The following GLRB variants were observed in gnomAD, a reference collection of about 807,000 sequenced individuals.
GLRB encodes glycine receptor beta, also known as glycine receptor subunit beta.
GLRB carries 33 observed loss-of-function variants against 54.2 expected under a neutral mutation model. That is an observed-to-expected ratio of 0.61 (90% CI 0.46 to 0.81). The LOEUF is 0.81. Ranked by LOEUF, GLRB falls within the 40% of genes least tolerant of loss-of-function variation. The pLI, the probability that GLRB is intolerant of heterozygous loss-of-function variation, is 0.00. For synonymous variants in GLRB, 209 were observed against 208.2 expected (o/e 1.00, Z -0.03); for missense variants, 572 against 584.6 (o/e 0.98, Z 0.22).
intron 8 of GLRB, among the ~76,000 whole-genome samples, chr4:157,146,828 C>T (rs1190237980): frequency 2.6e-5 from 4 of 151,080 alleles, no homozygotes; most frequent in Non-Finnish European, 5.9e-5. Flanking sequence ...CCCCCACCTC[C>T]CCCCGCAAAA....
intron 7 of GLRB, among the ~76,000 whole-genome samples, chr4:157,143,435 T>G (rs192014712): frequency 2.6e-5 from 4 of 152,066 alleles, no homozygotes; most frequent in Admixed American, 6.6e-5. Context: ...TCTACTTTGA[T>G]TTACTACTGC....
intron 2 of GLRB, among the ~76,000 whole-genome samples, chr4:157,082,976 A>T (rs1734278540): frequency 6.7e-6 from 1 of 148,910 alleles, no homozygotes; most frequent in Non-Finnish European, 1.5e-5. Context: ...ATATATATAT[A>T]TATATATATA....
chr4:157,078,206 G>A (rs1734107328), intron 2 of GLRB, 60 bp downstream of exon 2: 7 of 1,603,510 alleles, frequency 4.4e-6, no homozygotes, highest in Non-Finnish European at 6.0e-6. Flanking sequence ...TTTTATAAAA[G>A]TAAGGTGGTT....
chr4:157,152,537 T>C (rs1031454893), intron 8 of GLRB, among the ~76,000 whole-genome samples, 181 bp from the exon 9 acceptor site: 2 of 152,174 alleles, frequency 1.3e-5, no homozygotes, highest in Non-Finnish European at 2.9e-5. Flanking sequence ...CCATAGTCAA[T>C]AGTCCTTACA....
In GLRB at chr4:157,136,502, T is replaced by G; in HGVS notation, c.331T>G (p.Trp111Gly). 6.2e-7 allele frequency: 1 copy of G among 1,611,790 alleles called. No homozygotes were observed. Among genetic ancestry groups the G allele is most frequent in the Non-Finnish European group, 8.5e-7 (1 of 1,177,930 alleles). The change falls in exon 5 of 10, where the codon TGG becomes GGG. Residue 111 changes from tryptophan (W) to glycine (G), a missense_variant. Physicochemically the swap from Trp to Gly is radical, Grantham distance 184. Transcript: ENST00000264428. ...YRVNIFLRQKWNDPRLKLPSD... is the reference protein window; with the variant it reads ...YRVNIFLRQKGNDPRLKLPSD... Reference sequence around the variant, plus strand: ...AGTTAACATCTTCCTGAGACAAAAATGGAATGACCCCAGGCTGAAGCTCCC... The same window carrying G: ...AGTTAACATCTTCCTGAGACAAAAAGGGAATGACCCCAGGCTGAAGCTCCC...
Position 157,136,902 on chromosome 4 carries a change from C to T in GLRB, c.610+16C>T. On this transcript the variant is annotated intron_variant, in intron 6 of 9. Coordinates refer to ENST00000264428, the MANE Select transcript of GLRB (RefSeq NM_000824.5). ...CTGGAGAGCTGTACGTAAATGAGAA[C>T]ATAATTGATTATGAAAATAAAGTGT... The T allele has an allele frequency of 6.9e-7, 1 of 1,445,088 alleles. No individual in the cohort carries two copies. Among genetic ancestry groups the T allele is most frequent in the Non-Finnish European group, 9.7e-7 (1 of 1,025,980 alleles). The allele number at this position is 1,445,088 out of a possible 1,614,324, so 89.5% of individuals were successfully genotyped here.
In GLRB at chr4:157,136,456, A is replaced by T; in HGVS notation, c.298-13A>T. On this transcript the variant is annotated splice_polypyrimidine_tract_variant and intron_variant, in intron 4 of 9. Transcript: ENST00000264428. ...TAAACATACACATGTGCACGCATGT[A>T]CTTTTTCTTCAGGACTATAGAGTTA... 7.0e-7 allele frequency: 1 copy of T among 1,430,552 alleles called. No individual in the cohort carries two copies. The highest frequency in any genetic ancestry group is 9.9e-7 in the Non-Finnish European group (1 of 1,012,786). 88.6% of individuals were successfully genotyped at this position (1,430,552 alleles called of 1,614,324 possible). A position where few individuals can be genotyped will look rare whatever the true frequency, so the allele number is the denominator to read the frequency against.
At chr4:157,122,280 T>C in intron 3 of GLRB, 50 bp from the exon 4 acceptor site, 1 of 755,066 alleles carries the variant, frequency 1.3e-6, no homozygotes, top group Admixed American at 2.1e-5. Context: ...ATGATGATTC[T>C]GACCAAGTTT....
intron 2 of GLRB, among the ~76,000 whole-genome samples, chr4:157,089,653 G>A (rs1310961070): frequency 1.3e-5 from 2 of 152,038 alleles, no homozygotes; most frequent in East Asian, 3.9e-4. Flanking sequence ...CTGACATATT[G>A]AGTTTTCCAG....
intron 2 of GLRB, among the ~76,000 whole-genome samples, chr4:157,115,315 T>TAA (rs34651220): frequency 3.4e-5 from 5 of 147,646 alleles, no homozygotes; most frequent in South Asian, 2.2e-4. Context: ...ACCTGCTCTT[T>TAA]AAAAAAAAAT....
Position 157,131,071 on chromosome 4 carries a change from A to T in GLRB, c.298-5398A>T, listed in dbSNP as rs79294914. 6.2e-3 allele frequency among the ~76,000 whole-genome samples: 935 copies of T among 151,790 alleles called. 21 individuals carry two copies. In the East Asian group the frequency reaches 0.1, roughly 16 times the overall value. On this transcript the variant is annotated intron_variant, in intron 4 of 9. Transcript: ENST00000264428. ...CAAGACAGAAATCATTAGTAACATC[A>T]ATTTTTAAAAGTTATCTAATTTTAC... is the stretch of plus-strand genomic sequence containing the variant.
chr4:157,130,919 TC>T, intron 4 of GLRB, among the ~76,000 whole-genome samples: 1 of 151,780 alleles, frequency 6.6e-6, no homozygotes, highest in Non-Finnish European at 1.5e-5. Flanking sequence ...GTGAAGCTGA[TC>T]CAAGGAAGAA....
At chr4:157,115,184 G>T (rs1735563208) in intron 2 of GLRB, among the ~76,000 whole-genome samples, 1 of 149,010 alleles carries the variant, frequency 6.7e-6, no homozygotes, top group African/African-American at 2.5e-5. Context: ...AATCATTGCA[G>T]CTTTGGCCAT....
At chr4:157,101,806 T>TC (rs978137634) in intron 2 of GLRB, among the ~76,000 whole-genome samples, 6 of 151,272 alleles carry the variant, frequency 4.0e-5, no homozygotes, top group Admixed American at 1.3e-4. Flanking sequence ...TGTTTTTTTT[T>TC]TTTTTTTGGT....
chr4:157,099,744 A>G (rs943879653), intron 2 of GLRB, among the ~76,000 whole-genome samples: 1 of 152,134 alleles, frequency 6.6e-6, no homozygotes, highest in Admixed American at 6.6e-5. Context: ...TGTTTGTTGA[A>G]CTTTAGAAGA....
chr4:157,081,129 A>T (rs371611161), intron 2 of GLRB, among the ~76,000 whole-genome samples: 16 of 152,332 alleles, frequency 1.1e-4, no homozygotes, highest in African/African-American at 3.6e-4. Flanking sequence ...GCTTCCAAAA[A>T]CTTAGAAATT....
chr4:157,098,671 G>A (rs186604850), intron 2 of GLRB, among the ~76,000 whole-genome samples: 1 of 151,972 alleles, frequency 6.6e-6, no homozygotes, highest in Non-Finnish European at 1.5e-5. Flanking sequence ...GCAGTGGCAT[G>A]ATCTCGGCTC....
intron 2 of GLRB, among the ~76,000 whole-genome samples, chr4:157,115,511 TC>T (rs1294244869): frequency 2.0e-5 from 3 of 151,790 alleles, no homozygotes; most frequent in Non-Finnish European, 4.4e-5. Flanking sequence ...CCTTATGTTT[TC>T]TTGTATCTTG....
At chr4:157,110,143 C>A (rs1735365553) in intron 2 of GLRB, among the ~76,000 whole-genome samples, 1 of 151,854 alleles carries the variant, frequency 6.6e-6, no homozygotes, top group Admixed American at 6.6e-5. Context: ...GGTGACCAGC[C>A]CCCATCCTAA....
Sources: allele counts gnomAD v4.1 joint callset (sites outside exome capture counted in the v4.1 genomes callset), GRCh38; gene constraint gnomAD v4.1.1; transcripts MANE v1.5; gene names NCBI Gene and HGNC (gene_info 2026-07-23, HGNC 2026-07-21).